Variants in TRDN observed in about 807,000 individuals in gnomAD.
TRDN encodes the protein triadin, also known as triadin in skeletal muscle.
In TRDN, 161 loss-of-function variants were observed where a neutral mutation model predicts 149.7. That is an observed-to-expected ratio of 1.08 (90% CI 0.95 to 1.23). TRDN has a LOEUF of 1.23. Among genes scored for constraint, TRDN ranks in the 50% most tolerant of loss-of-function variants. The pLI, the probability that TRDN is intolerant of heterozygous loss-of-function variation, is 0.00. For missense variants in TRDN, 896 were observed against 823.5 expected (o/e 1.09, Z -1.08); for synonymous variants, 294 against 250.5 (o/e 1.17, Z -1.64).
intron 38 of TRDN, among the ~76,000 whole-genome samples, chr6:123,234,683 G>C (rs1285473066): frequency 6.6e-6 from 1 of 152,080 alleles, no homozygotes; most frequent in African/African-American, 2.4e-5. Flanking sequence ...ATGATAGACT[G>C]AATACACTAA....
intron 23 of TRDN, among the ~76,000 whole-genome samples, chr6:123,328,044 G>A (rs1487481183): frequency 6.6e-6 from 1 of 152,066 alleles, no homozygotes; most frequent in African/African-American, 2.4e-5. Flanking sequence ...TATCAACCTA[G>A]TCTAAATCAC....
chr6:123,338,131 A>AT (rs1779942280), intron 21 of TRDN, among the ~76,000 whole-genome samples: 1 of 152,208 alleles, frequency 6.6e-6, no homozygotes, highest in South Asian at 2.1e-4. Flanking sequence ...TTGAACCACT[A>AT]TATCTATGCT....
Position 123,437,291 on chromosome 6 carries a change from G to T in TRDN, c.1051+772C>A, listed in dbSNP as rs1454741399. On this transcript the variant is annotated intron_variant, in intron 12 of 40. Transcript: ENST00000334268. Reference sequence around the variant, plus strand: ...ATAGGTTTCTTTCTGACCTTCAGCAGCTCCTAATCTCCCTTTTCTTAGAGC... The same window carrying T: ...ATAGGTTTCTTTCTGACCTTCAGCATCTCCTAATCTCCCTTTTCTTAGAGC... 3.4e-5 allele frequency: 9 copies of T among 265,082 alleles called. No individual in the cohort carries two copies. In the Admixed American group the frequency reaches 4.0e-4, roughly 12 times the overall value. The allele number at this position is 265,082 out of a possible 1,614,324, so 16.4% of individuals were successfully genotyped here.
Position 123,485,155 on chromosome 6 carries a change from T to C in TRDN, c.853+12038A>G, listed in dbSNP as rs530828346. 5.5e-4 allele frequency among the ~76,000 whole-genome samples: 84 copies of C among 152,292 alleles called. No individual in the cohort carries two copies. In the South Asian group the frequency reaches 0.017, roughly 31 times the overall value. ...TCCAGGAACTGTGTGCTTCCATAAT[T>C]AAGCCTAGGCTCGCTCTCATTTCTT... On this transcript the variant is annotated intron_variant, in intron 9 of 40. Coordinates refer to ENST00000334268, the MANE Select transcript of TRDN (RefSeq NM_006073.4).
chr6:123,351,262 T>A, intron 21 of TRDN: 1 of 968,110 alleles, frequency 1.0e-6, no homozygotes, highest in Non-Finnish European at 1.2e-6. Flanking sequence ...TTACACATTT[T>A]CATATCCTTT....
intron 12 of TRDN, among the ~76,000 whole-genome samples, chr6:123,435,313 T>C (rs920285778): frequency 9.2e-5 from 14 of 152,074 alleles, no homozygotes; most frequent in African/African-American, 3.4e-4. Flanking sequence ...GTCCCCCAGC[T>C]CTTCAAGATT....
At chr6:123,455,422 GTGTGTGTGTGTGTGTGTC>G (rs1562322870) in intron 10 of TRDN, among the ~76,000 whole-genome samples, 4 of 149,192 alleles carry the variant, frequency 2.7e-5, no homozygotes, top group South Asian at 2.2e-4. Flanking sequence ...GTGTGTGTGT[GTGTGTGTGTGTGTGTGTC>G]TGTGTGTGTT....
At chr6:123,314,792 T>C (rs887554916) in intron 24 of TRDN, among the ~76,000 whole-genome samples, 1 of 151,976 alleles carries the variant, frequency 6.6e-6, no homozygotes, top group Non-Finnish European at 1.5e-5. Flanking sequence ...AGCTAAATCA[T>C]GGGAACATGT....
At chr6:123,571,223 G>C in intron 1 of TRDN, 91 bp from the exon 2 acceptor site, 1 of 1,332,948 alleles carries the variant, frequency 7.5e-7, no homozygotes, top group East Asian at 2.4e-5. Context: ...TGCTGAACCT[G>C]TTTATACTGC....
At chr6:123,416,094 G>A (rs1403453743) in intron 12 of TRDN, among the ~76,000 whole-genome samples, 3 of 152,188 alleles carry the variant, frequency 2.0e-5, no homozygotes, top group African/African-American at 4.8e-5. Context: ...GCAAAATTCA[G>A]TGACAGCAGT....
chr6:123,438,908 T>C (rs1196158489), intron 11 of TRDN, 36 bp downstream of exon 11: 5 of 1,491,444 alleles, frequency 3.4e-6, no homozygotes, highest in East Asian at 2.4e-5. Context: ...TGGACACTAA[T>C]TGATTTATGT....
At chr6:123,483,198 G>A (rs1454865939) in intron 9 of TRDN, among the ~76,000 whole-genome samples, 1 of 150,962 alleles carries the variant, frequency 6.6e-6, no homozygotes, top group African/African-American at 2.4e-5. Context: ...CGCCTCCCAG[G>A]TTCACGCCAT....
At chr6:123,352,391 C>T (rs995528436) in intron 21 of TRDN, 148 bp downstream of exon 21, 1 of 1,389,798 alleles carries the variant, frequency 7.2e-7, no homozygotes, top group Non-Finnish European at 9.3e-7. Flanking sequence ...CTCACATTCT[C>T]CCTGGCACAG....
Position 123,301,768 on chromosome 6 carries a change from T to TATATATATATACATATATATATATAC in TRDN, c.1510+14688_1510+14689insGTATATATATATATGTATATATATAT. ...ATATATATACATATATATATATATA[T>TATATATATATACATATATATATATAC]ACATATATATATATATATACATAAA... On this transcript the variant is annotated intron_variant, in intron 24 of 40. Transcript: ENST00000334268. 8.4e-4 allele frequency among the ~76,000 whole-genome samples: 78 copies of TATATATATATACATATATATATATAC among 92,712 alleles called. 7 individuals are homozygous for TATATATATATACATATATATATATAC. The highest frequency in any genetic ancestry group is 2.2e-3 in the South Asian group (7 of 3,234). 60.8% of individuals were successfully genotyped at this position (92,712 alleles called of 152,430 possible).
chr6:123,492,769 A>G (rs1168230067), intron 9 of TRDN, among the ~76,000 whole-genome samples: 1 of 152,116 alleles, frequency 6.6e-6, no homozygotes, highest in East Asian at 1.9e-4. Flanking sequence ...AAACCCATAA[A>G]TTGTGTTTTG....
intron 38 of TRDN, among the ~76,000 whole-genome samples, chr6:123,249,485 T>C (rs1048634106): frequency 2.6e-5 from 4 of 152,152 alleles, no homozygotes; most frequent in Admixed American, 2.6e-4. Context: ...TACTTCTATG[T>C]TTATTGCAGC....
At chr6:123,400,762 T>C (rs1034008212) in intron 12 of TRDN, among the ~76,000 whole-genome samples, 24 of 152,196 alleles carry the variant, frequency 1.6e-4, no homozygotes, top group Admixed American at 1.3e-3. Context: ...CAGCCCCTTT[T>C]TTCTAATATT....
chr6:123,486,737 CA>C (rs1777990281), intron 9 of TRDN, among the ~76,000 whole-genome samples: 1 of 151,908 alleles, frequency 6.6e-6, no homozygotes, highest in Non-Finnish European at 1.5e-5. Context: ...ATAAGTTCTA[CA>C]TAAATTCTAC....
At chr6:123,571,568 A>G (rs1296116409) in intron 1 of TRDN, among the ~76,000 whole-genome samples, 2 of 152,102 alleles carry the variant, frequency 1.3e-5, no homozygotes, top group Non-Finnish European at 2.9e-5. Flanking sequence ...AAGTCTTACT[A>G]TATCCAGTAC....
Sources: gnomAD v4.1 joint callset for allele counts (sites outside exome capture counted in the v4.1 genomes callset) on GRCh38, gnomAD v4.1.1 for gene constraint, MANE v1.5 for transcripts, NCBI Gene and HGNC (gene_info 2026-07-23, HGNC 2026-07-21) for gene names.